SUMF1: variants seen among roughly 807,000 people sequenced by gnomAD.
SUMF1 encodes the protein formylglycine-generating enzyme.
In SUMF1, 48 loss-of-function variants were observed where a neutral mutation model predicts 47.6. The ratio of observed to expected loss-of-function variants is 1.01; its 90% CI spans 0.80 to 1.28. The LOEUF (loss-of-function observed/expected upper bound fraction) is 1.28, where lower values mean the gene tolerates loss of function less well. SUMF1 is among the 50% of genes most tolerant of loss of function. SUMF1 has a pLI of 0.00. For missense variants in SUMF1, 571 were observed against 485.4 expected (o/e 1.18, Z -1.66); for synonymous variants, 230 against 192.1 (o/e 1.20, Z -1.63).
At chr3:4,106,934 T>G (rs1693172498) in intron 8 of SUMF1, among the ~76,000 whole-genome samples, 1 of 152,140 alleles carries the variant, frequency 6.6e-6, no homozygotes, top group South Asian at 2.1e-4. Context: ...CATGATGGTT[T>G]TAAGACAAAG....
At chr3:4,189,237 A>C (rs1031273888) in intron 8 of SUMF1, among the ~76,000 whole-genome samples, 3 of 152,102 alleles carry the variant, frequency 2.0e-5, no homozygotes, top group African/African-American at 7.2e-5. Context: ...GGAGGGGTCC[A>C]AAATTGGGAG....
chr3:4,194,500 G>A (rs1478490233), intron 8 of SUMF1, among the ~76,000 whole-genome samples: 1 of 152,144 alleles, frequency 6.6e-6, no homozygotes, highest in Admixed American at 6.6e-5. Context: ...CCCACCGTCT[G>A]CCACATAGAG....
chr3:4,244,074 T>A (rs114953323), intron 8 of SUMF1, among the ~76,000 whole-genome samples: 7 of 152,282 alleles, frequency 4.6e-5, no homozygotes, highest in African/African-American at 1.4e-4. Flanking sequence ...GAGACTAGGA[T>A]TGCAATCCCT....
intron 8 of SUMF1, among the ~76,000 whole-genome samples, chr3:4,280,461 A>T (rs1006279666): frequency 2.0e-5 from 3 of 151,864 alleles, no homozygotes; most frequent in African/African-American, 4.8e-5. Flanking sequence ...TTGACTTAAA[A>T]TTTTTTTTAT....
chr3:4,250,884 C>A (rs1056311569), intron 8 of SUMF1, among the ~76,000 whole-genome samples: 4 of 152,154 alleles, frequency 2.6e-5, no homozygotes, highest in Non-Finnish European at 5.9e-5. Context: ...TACCTGTTTA[C>A]CCACGGGTTC....
At chr3:4,345,735 C>A (rs1461889943) in intron 8 of SUMF1, among the ~76,000 whole-genome samples, 1 of 152,090 alleles carries the variant, frequency 6.6e-6, no homozygotes, top group East Asian at 1.9e-4. Flanking sequence ...AAGACACAGG[C>A]TGGCAAATTG....
chr3:4,299,372 T>C (rs1287457808), intron 8 of SUMF1, among the ~76,000 whole-genome samples: 1 of 152,234 alleles, frequency 6.6e-6, no homozygotes, highest in Non-Finnish European at 1.5e-5. Context: ...TCTTGTCCTA[T>C]AATCTCAAGT....
intron 8 of SUMF1, among the ~76,000 whole-genome samples, chr3:4,184,538 G>A (rs950433403): frequency 2.6e-5 from 4 of 151,966 alleles, no homozygotes; most frequent in Non-Finnish European, 4.4e-5. Flanking sequence ...GTCTCACAAC[G>A]ATCTTGAAGG....
intron 8 of SUMF1, among the ~76,000 whole-genome samples, chr3:4,156,235 G>T (rs1169516581): frequency 6.6e-6 from 1 of 151,342 alleles, no homozygotes; most frequent in African/African-American, 2.5e-5. Context: ...AAAACACAAG[G>T]CCTGCAGAAG....
At chr3:4,178,914 C>A (rs980675789) in intron 8 of SUMF1, among the ~76,000 whole-genome samples, 13 of 152,148 alleles carry the variant, frequency 8.5e-5, no homozygotes, top group African/African-American at 2.6e-4. Context: ...AACAAAGAGC[C>A]AAATCATGAA....
intron 9 of SUMF1, among the ~76,000 whole-genome samples, chr3:4,066,842 TG>T (rs1050068370): frequency 3.9e-5 from 6 of 152,186 alleles, no homozygotes; most frequent in African/African-American, 1.4e-4. Context: ...TAACAGTTCC[TG>T]TGGCTTCGCA....
At chr3:4,214,293 C>G (rs1179348524) in intron 8 of SUMF1, among the ~76,000 whole-genome samples, 1 of 152,128 alleles carries the variant, frequency 6.6e-6, no homozygotes, top group African/African-American at 2.4e-5. Flanking sequence ...ACTTAACAAC[C>G]TGCTCCCAAA....
intron 8 of SUMF1, among the ~76,000 whole-genome samples, chr3:4,340,133 A>G (rs1453919041): frequency 6.6e-6 from 1 of 152,004 alleles, no homozygotes; most frequent in Non-Finnish European, 1.5e-5. Flanking sequence ...ACAAACACAC[A>G]CACGCACTGC....
chr3:4,140,830 T>C (rs1694053991), intron 8 of SUMF1, among the ~76,000 whole-genome samples: 1 of 152,072 alleles, frequency 6.6e-6, no homozygotes, highest in Non-Finnish European at 1.5e-5. Context: ...TGTAAACTTT[T>C]TTAAAAAGGT....
rs941514246 is a variant in SUMF1 at position 4,225,333 on chromosome 3, C to A, written c.1014+150997G>T. ...GCTTCAAGTTAATACACACCTTTTC[C>A]TGGGCTGAGATATCACCAGCCCCAG... On this transcript the variant is annotated intron_variant and NMD_transcript_variant, in intron 8 of 12. Transcript: ENST00000448413. Among the ~76,000 whole-genome samples the A allele has an allele frequency of 5.9e-5, 9 of 152,126 alleles. No homozygotes were observed. In the East Asian group the frequency reaches 1.5e-3, roughly 26 times the overall value.
chr3:4,368,253 C>A (rs145519494), intron 8 of SUMF1, among the ~76,000 whole-genome samples: 3,618 of 152,228 alleles, frequency 0.024, 64 homozygotes, highest in Middle Eastern at 0.044. Context: ...CCATCACTGG[C>A]CATCAGAGAA....
At chr3:4,423,804 T>A (rs975807808) in intron 3 of SUMF1, among the ~76,000 whole-genome samples, 8 of 152,172 alleles carry the variant, frequency 5.3e-5, no homozygotes, top group Admixed American at 1.3e-4. Flanking sequence ...CCCTTGGTGA[T>A]GAGTGAGCTC....
chr3:4,060,643 T>C (rs571835851), intron 9 of SUMF1, among the ~76,000 whole-genome samples: 4 of 152,250 alleles, frequency 2.6e-5, no homozygotes, highest in Non-Finnish European at 4.4e-5. Flanking sequence ...GACCAATAAG[T>C]AGACTTATGT....
rs17040706 is a variant in SUMF1, at chr3:4,449,442, A to G, written c.445-102T>C. 0.096 allele frequency: 114,634 copies of G among 1,188,882 alleles called. 6,500 individuals are homozygous for G. Among genetic ancestry groups the G allele is most frequent in the East Asian group, 0.21 (9,082 of 42,546 alleles). 73.6% of individuals were successfully genotyped at this position (1,188,882 alleles called of 1,614,324 possible). On this transcript the variant is annotated intron_variant, in intron 2 of 8. Transcript: ENST00000272902. ...CTATTAAAGTGATTCCTCTTGTCCA[A>G]TTGAACTTGAGTCTTTCTTATGACT...
Sources: allele counts gnomAD v4.1 joint callset (sites outside exome capture counted in the v4.1 genomes callset), GRCh38; gene constraint gnomAD v4.1.1; transcripts MANE v1.5; gene names NCBI Gene and HGNC (gene_info 2026-07-23, HGNC 2026-07-21).